Variants in XXYLT1 observed in about 807,000 individuals in gnomAD.
XXYLT1 encodes the protein xyloside xylosyltransferase 1.
In XXYLT1, 20 loss-of-function variants were observed where a neutral mutation model predicts 28.9. The ratio of observed to expected loss-of-function variants is 0.69; its 90% CI spans 0.49 to 1.00. The LOEUF (loss-of-function observed/expected upper bound fraction) is 1.00. XXYLT1 is among the 50% of genes least tolerant of loss of function. XXYLT1 has a pLI of 0.00. For synonymous variants in XXYLT1, 257 were observed against 253.8 expected, an observed-to-expected ratio of 1.01 and a Z score of -0.12; for missense variants, 542 against 560.1, an observed-to-expected ratio of 0.97 and a Z score of 0.33.
intron 3 of XXYLT1, among the ~76,000 whole-genome samples, chr3:195,112,775 A>T (rs1560103008): frequency 7.4e-6 from 1 of 134,262 alleles, no homozygotes; most frequent in Non-Finnish European, 1.6e-5. Context: ...ACACACACAC[A>T]CCCATGCACA....
In XXYLT1 at chr3:195,228,541, G is replaced by A. The variant is rs560657102; in HGVS notation, c.505-1685C>T. 6.8e-5 allele frequency among the ~76,000 whole-genome samples: 10 copies of A among 147,268 alleles called. No homozygotes were observed. In the East Asian group the frequency reaches 2.0e-3, roughly 30 times the overall value. ...AGTCTCACTCTGTCAACCGAGGCTG[G>A]AGTACAGGGGTGCAATCTGGGCTCA... is the stretch of plus-strand genomic sequence containing the variant. On this transcript the variant is annotated intron_variant, in intron 1 of 3. Coordinates refer to ENST00000310380, the MANE Select transcript of XXYLT1 (RefSeq NM_152531.5).
chr3:195,152,974 G>A (rs779040328), intron 3 of XXYLT1, among the ~76,000 whole-genome samples: 12 of 152,244 alleles, frequency 7.9e-5, no homozygotes, highest in Non-Finnish European at 1.5e-4. Context: ...CCCCTTGGTG[G>A]TCAGAGCCCA....
intron 2 of XXYLT1, among the ~76,000 whole-genome samples, chr3:195,194,603 A>T (rs73890725): frequency 0.051 from 7,818 of 152,260 alleles, 620 homozygotes; most frequent in African/African-American, 0.18. Context: ...TCACACAAAG[A>T]TAATGCTCAC....
chr3:195,258,515 G>C (rs1376899768), intron 1 of XXYLT1, among the ~76,000 whole-genome samples: 1 of 152,250 alleles, frequency 6.6e-6, no homozygotes, highest in East Asian at 1.9e-4. Context: ...TGGAACCTTC[G>C]AGAAACTAAG....
rs1473233777 is a variant in XXYLT1, at chr3:195,209,007, A to G, written c.652+17702T>C. Among the ~76,000 whole-genome samples the G allele has an allele frequency of 6.6e-6, 1 of 152,222 alleles. No homozygotes were observed. Among genetic ancestry groups the G allele is most frequent in the East Asian group, 1.9e-4 (1 of 5,200 alleles). On this transcript the variant is annotated intron_variant, in intron 2 of 3. Transcript: ENST00000310380. The surrounding 1 kb of genome is among the most constrained non-coding windows in gnomAD (Gnocchi z 5.0). ...CTATGACAAACCTTATTATGTGATC[A>G]ATGATGCTTTAAAAGAAAAAATACT...
chr3:195,099,238 C>G (rs1039506154), intron 3 of XXYLT1, among the ~76,000 whole-genome samples: 14 of 152,174 alleles, frequency 9.2e-5, no homozygotes, highest in Admixed American at 7.2e-4. Flanking sequence ...AATAAACGTG[C>G]TCAGCTTCAC....
rs570192169 is a variant in XXYLT1, at chr3:195,267,063, A to G, written c.504+3492T>C. Among the ~76,000 whole-genome samples the G allele has an allele frequency of 2.6e-4, 40 of 152,402 alleles. No homozygotes were observed. The South Asian group carries it at 8.3e-3, about 32-fold the overall frequency. ...AATCCTTTTTAGCTAATATCCAATT[A>G]GCCAAAATAAAATCTAAGGTCACTA... On this transcript the variant is annotated intron_variant, in intron 1 of 3. Transcript: ENST00000310380.
intron 1 of XXYLT1, among the ~76,000 whole-genome samples, chr3:195,251,363 G>A (rs1304960384): frequency 2.0e-5 from 3 of 152,256 alleles, no homozygotes; most frequent in Non-Finnish European, 4.4e-5. Context: ...GCCCAGCCAG[G>A]TGGAAAGGGG....
intron 3 of XXYLT1, among the ~76,000 whole-genome samples, chr3:195,074,897 C>G (rs1426081583): frequency 6.6e-6 from 1 of 152,210 alleles, no homozygotes; most frequent in Non-Finnish European, 1.5e-5. Context: ...TTATTAGGAT[C>G]TCTTGATAAC....
rs1175852032 is a variant in XXYLT1 at position 195,143,831 on chromosome 3, GATAT to G, written c.785+12614_785+12617del. 4.6e-5 allele frequency among the ~76,000 whole-genome samples: 3 copies of G among 65,700 alleles called. 1 individual carries two copies. Among genetic ancestry groups the G allele is most frequent in the African/African-American group, 1.2e-4 (2 of 16,440 alleles). The allele number at this position is 65,700 out of a possible 152,430, so 43.1% of individuals were successfully genotyped here. A position where few individuals can be genotyped will look rare whatever the true frequency, so the allele number is the denominator to read the frequency against. ...ATATATATAGATATAGATATATATA[GATAT>G]AGATATAGATATATATATAGATATA... On this transcript the variant is annotated intron_variant, in intron 3 of 3. Coordinates refer to ENST00000310380, the MANE Select transcript of XXYLT1 (RefSeq NM_152531.5).
chr3:195,128,042 G>A (rs578251556), intron 3 of XXYLT1, among the ~76,000 whole-genome samples: 15 of 152,244 alleles, frequency 9.9e-5, no homozygotes, highest in African/African-American at 2.9e-4. Context: ...AAAGAGCCTG[G>A]CATGCCAGGA....
intron 2 of XXYLT1, among the ~76,000 whole-genome samples, chr3:195,199,199 A>G (rs1722748920): frequency 6.6e-6 from 1 of 152,172 alleles, no homozygotes; most frequent in Non-Finnish European, 1.5e-5. Context: ...TCCAGACCCA[A>G]CAAGCTCAGT....
rs900462439 is a variant in XXYLT1 at position 195,240,911 on chromosome 3, G to C, written c.505-14055C>G. On this transcript the variant is annotated intron_variant, in intron 1 of 3. Coordinates refer to ENST00000310380, the MANE Select transcript of XXYLT1 (RefSeq NM_152531.5). This position sits in a 1 kb window ranked among gnomAD's most constrained non-coding sequence, Gnocchi z 4.7. ...ACTGCACTCCTGCCTGGGCAACAGA[G>C]CAAGACTCCATCTCAAATAAAAAAA... Among the ~76,000 whole-genome samples the C allele has an allele frequency of 6.6e-6, 1 of 152,214 alleles. No homozygotes were observed. The highest frequency in any genetic ancestry group is 2.4e-5 in the African/African-American group (1 of 41,446).
intron 3 of XXYLT1, among the ~76,000 whole-genome samples, chr3:195,118,905 T>C (rs1718188661): frequency 6.6e-6 from 1 of 152,158 alleles, no homozygotes; most frequent in African/African-American, 2.4e-5. Flanking sequence ...AGCACTGCGT[T>C]CCTCTGGGGC....
chr3:195,249,639 G>A (rs1181325225), intron 1 of XXYLT1, among the ~76,000 whole-genome samples: 4 of 152,174 alleles, frequency 2.6e-5, no homozygotes, highest in Non-Finnish European at 4.4e-5. Context: ...ACGTCTCGCC[G>A]ATTCCAGAAC....
chr3:195,119,395 A>G (rs1718225883), intron 3 of XXYLT1, among the ~76,000 whole-genome samples: 2 of 152,300 alleles, frequency 1.3e-5, no homozygotes, highest in African/African-American at 4.8e-5. Context: ...CTGTATAAAT[A>G]TGACTTTATT....
chr3:195,163,745 C>T (rs896991087), intron 2 of XXYLT1, among the ~76,000 whole-genome samples: 5 of 152,220 alleles, frequency 3.3e-5, no homozygotes, highest in Non-Finnish European at 7.3e-5. Context: ...GGCATGGCTG[C>T]TCCATGAAGT....
chr3:195,118,818 G>A (rs1718183314), intron 3 of XXYLT1, among the ~76,000 whole-genome samples: 1 of 152,202 alleles, frequency 6.6e-6, no homozygotes, highest in Non-Finnish European at 1.5e-5. Context: ...CAATGTTTCA[G>A]AATTCCCGAA....
intron 3 of XXYLT1, among the ~76,000 whole-genome samples, chr3:195,135,701 A>G (rs1432478038): frequency 6.6e-6 from 1 of 152,222 alleles, no homozygotes; most frequent in African/African-American, 2.4e-5. Flanking sequence ...GGAAACTCAG[A>G]CTGGAAGAGC....
Sources: allele counts gnomAD v4.1 joint callset (sites outside exome capture counted in the v4.1 genomes callset), GRCh38; gene constraint gnomAD v4.1.1; non-coding constraint Gnocchi (gnomAD v3.1); transcripts MANE v1.5; gene names NCBI Gene and HGNC (gene_info 2026-07-23, HGNC 2026-07-21).